The following METTL24 variants were observed in gnomAD, a reference collection of about 807,000 sequenced individuals.
METTL24 encodes the protein probable methyltransferase-like protein 24.
Under a neutral mutation model 32.7 loss-of-function variants are expected in METTL24, and 29 were observed. The observed-to-expected ratio is 0.89, with a 90% CI of 0.66 to 1.21. The LOEUF (loss-of-function observed/expected upper bound fraction) is 1.21. Ranked by LOEUF, METTL24 falls within the 50% of genes most tolerant of loss-of-function variation. METTL24 has a pLI of 0.00. For synonymous variants in METTL24, 163 were observed against 179.5 expected (o/e 0.91, Z 0.73); for missense variants, 439 against 468.1 (o/e 0.94, Z 0.57).
intron 4 of METTL24, among the ~76,000 whole-genome samples, chr6:110,252,837 T>C (rs1478982586): frequency 6.6e-6 from 1 of 152,306 alleles, no homozygotes; most frequent in East Asian, 1.9e-4. Context: ...GATCAACCTA[T>C]GTGGTCACAC....
chr6:110,302,422 TATACACACACATATGTGTATATATACAC>T (rs1172550453), intron 3 of METTL24, among the ~76,000 whole-genome samples: 2 of 147,190 alleles, frequency 1.4e-5, no homozygotes, highest in African/African-American at 5.1e-5. Context: ...TATATACACA[TATACACACACATATGTGTATATATACAC>T]ATATACACAC....
intron 3 of METTL24, among the ~76,000 whole-genome samples, chr6:110,311,475 T>G (rs1238537149): frequency 1.5e-5 from 2 of 136,484 alleles, no homozygotes; most frequent in East Asian, 2.0e-4. Context: ...TTTGTTTTTT[T>G]TTTTTTTTTT....
At chr6:110,306,162 G>C (rs188146438) in intron 3 of METTL24, among the ~76,000 whole-genome samples, 1,781 of 151,834 alleles carry the variant, frequency 0.012, 42 homozygotes, top group African/African-American at 0.039. Context: ...GTTGGGGGGT[G>C]GGGGGCAAGG....
chr6:110,355,332 G>A (rs1227451775), intron 1 of METTL24, among the ~76,000 whole-genome samples: 1 of 152,182 alleles, frequency 6.6e-6, no homozygotes, highest in African/African-American at 2.4e-5. Context: ...GTGAGCATAA[G>A]CCACCTTTGT....
In METTL24 at chr6:110,274,802, C is replaced by CTT. The variant is rs1196371607; in HGVS notation, c.786+24118_786+24119dup. 9.8e-3 allele frequency among the ~76,000 whole-genome samples: 887 copies of CTT among 90,090 alleles called. 25 individuals are homozygous for CTT. The highest frequency in any genetic ancestry group is 0.033 in the African/African-American group (789 of 23,852). The allele number at this position is 90,090 out of a possible 152,430, so 59.1% of individuals were successfully genotyped here. A position where few individuals can be genotyped will look rare whatever the true frequency, so the allele number is the denominator to read the frequency against. On this transcript the variant is annotated intron_variant, in intron 4 of 4. Transcript: ENST00000338882. Reference sequence around the variant, plus strand: ...TTTTTTTTTTTCCTTTTCGTTCTTTCTTTTTTTTTTTTTTTTTTGAGACAG... The same window carrying CTT: ...TTTTTTTTTTTCCTTTTCGTTCTTTCTTTTTTTTTTTTTTTTTTTTGAGACAG...
intron 4 of METTL24, among the ~76,000 whole-genome samples, chr6:110,290,745 T>C (rs1481815682): frequency 6.6e-6 from 1 of 152,174 alleles, no homozygotes; most frequent in Non-Finnish European, 1.5e-5. Flanking sequence ...TAGGAATGGG[T>C]TTACTGGATC....
At chr6:110,353,246 T>A (rs1276566360) in intron 1 of METTL24, among the ~76,000 whole-genome samples, 1 of 152,208 alleles carries the variant, frequency 6.6e-6, no homozygotes, top group East Asian at 1.9e-4. Flanking sequence ...CTAAGGACAG[T>A]GTGAGAGGAC....
chr6:110,265,157 GAA>G (rs1770829818), intron 4 of METTL24, among the ~76,000 whole-genome samples: 6 of 143,370 alleles, frequency 4.2e-5, no homozygotes, highest in Non-Finnish European at 7.6e-5. Context: ...AAGAAAGAAA[GAA>G]AGAAAGAAAG....
At chr6:110,311,552 C>T (rs1421252056) in intron 3 of METTL24, among the ~76,000 whole-genome samples, 1 of 145,780 alleles carries the variant, frequency 6.9e-6, no homozygotes, top group Non-Finnish European at 1.5e-5. Flanking sequence ...CAGCTCACTG[C>T]AACCTCTGCC....
At chr6:110,274,791 T>C (rs1052174229) in intron 4 of METTL24, among the ~76,000 whole-genome samples, 1 of 148,802 alleles carries the variant, frequency 6.7e-6, no homozygotes. Context: ...TTTTTTTCCT[T>C]TTCGTTCTTT....
At position 110,322,700 on chromosome 6, in the gene METTL24, C is replaced by A. The variant is rs1210803753; in HGVS notation, c.417+74G>T. 4 of 1,284,774 alleles carry A rather than the reference C, an allele frequency of 3.1e-6. No homozygotes were observed. The African/African-American group carries it at 4.4e-5, about 14-fold the overall frequency. 79.6% of individuals were successfully genotyped at this position (1,284,774 alleles called of 1,614,324 possible). A position where few individuals can be genotyped will look rare whatever the true frequency, so the allele number is the denominator to read the frequency against. ...ATCAGGAGTCGCTGAGAACCTCCCC[C>A]ACCTCCTTCTTTCAAAAGAGGCAAT... is the stretch of plus-strand genomic sequence containing the variant. On this transcript the variant is annotated intron_variant, in intron 2 of 4. Coordinates refer to ENST00000338882, the MANE Select transcript of METTL24 (RefSeq NM_001123364.3).
At chr6:110,301,735 G>A (rs1768012330) in intron 3 of METTL24, among the ~76,000 whole-genome samples, 1 of 152,182 alleles carries the variant, frequency 6.6e-6, no homozygotes, top group Admixed American at 6.5e-5. Context: ...AAGCCACTGA[G>A]TTTTAGAGTG....
intron 1 of METTL24, among the ~76,000 whole-genome samples, chr6:110,341,539 T>C (rs1039413238): frequency 2.0e-5 from 3 of 152,218 alleles, no homozygotes; most frequent in African/African-American, 7.2e-5. Context: ...ATGTAAGATA[T>C]ACTTGAAATT....
chr6:110,342,893 T>C (rs1772387565), intron 1 of METTL24, among the ~76,000 whole-genome samples: 1 of 152,218 alleles, frequency 6.6e-6, no homozygotes. Context: ...TCATCCCTTT[T>C]TATAGTTGAG....
chr6:110,298,599 G>C (rs1039835243), intron 4 of METTL24, among the ~76,000 whole-genome samples: 1 of 152,050 alleles, frequency 6.6e-6, no homozygotes, highest in African/African-American at 2.4e-5. Context: ...GCTCTTTCTG[G>C]AAAGTGTAAG....
intron 4 of METTL24, among the ~76,000 whole-genome samples, chr6:110,280,383 A>G (rs1231442236): frequency 6.6e-6 from 1 of 152,202 alleles, no homozygotes. Context: ...ACGTATTTCA[A>G]TAGTCACCAG....
intron 3 of METTL24, among the ~76,000 whole-genome samples, chr6:110,305,423 A>G (rs573835929): frequency 3.9e-5 from 6 of 152,200 alleles, no homozygotes; most frequent in African/African-American, 1.2e-4. Flanking sequence ...TTTGCAATCT[A>G]TCCATCTGAC....
At position 110,250,040 on chromosome 6, in the gene METTL24, C is replaced by G. The variant is rs1275338440; in HGVS notation, c.787-3780G>C. On this transcript the variant is annotated intron_variant, in intron 4 of 4. Transcript: ENST00000338882. ...TGATGCCATCTGGCAGCTTCCTCAT[C>G]ATAGGCACAAGTTTATCCCTGTGAT... 1.1e-4 allele frequency among the ~76,000 whole-genome samples: 17 copies of G among 151,998 alleles called. 1 individual carries two copies. The highest frequency in any genetic ancestry group is 1.5e-4 in the Non-Finnish European group (10 of 67,928).
rs115902747 is a variant in METTL24, at chr6:110,324,999, G to A, written c.319-2127C>T. Among the ~76,000 whole-genome samples, 231 of 152,264 alleles carry A rather than the reference G, an allele frequency of 1.5e-3. 2 individuals carry two copies. The highest frequency in any genetic ancestry group is 5.3e-3 in the African/African-American group (219 of 41,550). Reference sequence around the variant, plus strand: ...AGTTGTTCTCTTTAGGAAATTATTCGATTCTGAAATCATAAATTATCAACA... The same window carrying A: ...AGTTGTTCTCTTTAGGAAATTATTCAATTCTGAAATCATAAATTATCAACA... On this transcript the variant is annotated intron_variant, in intron 1 of 4. Transcript: ENST00000338882.
Sources: allele counts gnomAD v4.1 joint callset (sites outside exome capture counted in the v4.1 genomes callset), GRCh38; gene constraint gnomAD v4.1.1; transcripts MANE v1.5; gene names NCBI Gene and HGNC (gene_info 2026-07-23, HGNC 2026-07-21).